TLL1: variants seen among roughly 807,000 people sequenced by gnomAD.
TLL1 encodes tolloid-like protein 1.
A neutral mutation model predicts 128.2 loss-of-function variants in TLL1; 49 were observed. That is an observed-to-expected ratio of 0.38 (90% CI 0.30 to 0.48). The LOEUF (loss-of-function observed/expected upper bound fraction) is 0.48, where lower values mean the gene tolerates loss of function less well. Among genes scored for constraint, TLL1 ranks in the 20% least tolerant of loss-of-function variants. The pLI is 0.96. For missense variants in TLL1, 1,123 were observed against 1,242.0 expected, an observed-to-expected ratio of 0.90 and a Z score of 1.44; for synonymous variants, 454 against 418.8, an observed-to-expected ratio of 1.08 and a Z score of -1.03.
At chr4:166,011,685 C>A (rs1737702325) in intron 7 of TLL1, among the ~76,000 whole-genome samples, 1 of 151,360 alleles carries the variant, frequency 6.6e-6, no homozygotes, top group Non-Finnish European at 1.5e-5. Flanking sequence ...ATATAAGTGA[C>A]AAGGGTGGGC....
intron 1 of TLL1, among the ~76,000 whole-genome samples, chr4:165,925,913 C>A (rs1165734804): frequency 6.6e-6 from 1 of 152,118 alleles, no homozygotes; most frequent in Non-Finnish European, 1.5e-5. Context: ...TGACTGTTAG[C>A]CATTTTTAGC....
At chr4:166,010,523 T>G (rs1216275254) in intron 7 of TLL1, among the ~76,000 whole-genome samples, 5 of 150,990 alleles carry the variant, frequency 3.3e-5, no homozygotes, top group Non-Finnish European at 5.9e-5. Context: ...TTGTATATTC[T>G]GATTAAACCA....
intron 2 of TLL1, among the ~76,000 whole-genome samples, chr4:165,992,277 T>C: frequency 1.3e-5 from 2 of 152,224 alleles, no homozygotes; most frequent in Non-Finnish European, 2.9e-5. Flanking sequence ...CAACTAAATT[T>C]TCAAAATGCA....
At chr4:165,900,757 T>C (rs1439216323) in intron 1 of TLL1, among the ~76,000 whole-genome samples, 2 of 152,204 alleles carry the variant, frequency 1.3e-5, no homozygotes, top group East Asian at 3.8e-4. Flanking sequence ...GTGTTCTCTG[T>C]ATTTCCTGAA....
At chr4:166,100,692 G>T (rs1196260314) in intron 20 of TLL1, 50 bp from the exon 21 acceptor site, 3 of 1,609,538 alleles carry the variant, frequency 1.9e-6, no homozygotes, top group African/African-American at 2.7e-5. Flanking sequence ...AAGAAAAAGT[G>T]ATTCGTTTTA....
intron 15 of TLL1, 64 bp from the exon 16 acceptor site, chr4:166,065,619 T>A: frequency 6.5e-7 from 1 of 1,538,530 alleles, no homozygotes; most frequent in Non-Finnish European, 9.0e-7. Flanking sequence ...TATGTTTTTT[T>A]AAGATAAATG....
intron 18 of TLL1, among the ~76,000 whole-genome samples, chr4:166,087,470 TG>T (rs1741577085): frequency 6.6e-6 from 1 of 152,150 alleles, no homozygotes; most frequent in African/African-American, 2.4e-5. Context: ...AAATATTTTG[TG>T]GGAAACCAAA....
chr4:165,936,241 A>G (rs1733758601), intron 1 of TLL1, among the ~76,000 whole-genome samples: 2 of 119,644 alleles, frequency 1.7e-5, no homozygotes, highest in South Asian at 5.1e-4. Context: ...TTTTTTTGAG[A>G]TGGAGTCACA....
chr4:166,001,140 G>A (rs563189088), intron 5 of TLL1, among the ~76,000 whole-genome samples: 21 of 152,152 alleles, frequency 1.4e-4, no homozygotes, highest in Middle Eastern at 3.4e-3. Flanking sequence ...TAATCATTCG[G>A]TCAATTAGTT....
At chr4:165,966,064 A>T (rs1735353913) in intron 1 of TLL1, among the ~76,000 whole-genome samples, 1 of 151,860 alleles carries the variant, frequency 6.6e-6, no homozygotes, top group African/African-American at 2.4e-5. Context: ...CTGTAATCCC[A>T]GCTACTTGGG....
intron 1 of TLL1, among the ~76,000 whole-genome samples, chr4:165,901,728 C>T (rs1561016437): frequency 1.3e-5 from 2 of 152,158 alleles, no homozygotes; most frequent in South Asian, 4.1e-4. Context: ...TGGTCAGGGA[C>T]CCACTTGAGG....
chr4:165,936,893 A>G (rs1392581322), intron 1 of TLL1, among the ~76,000 whole-genome samples: 1 of 152,176 alleles, frequency 6.6e-6, no homozygotes, highest in African/African-American at 2.4e-5. Context: ...AGATGGCCCC[A>G]CTGCACCCCA....
chr4:166,020,120 C>T (rs1487561961), intron 8 of TLL1, among the ~76,000 whole-genome samples: 1 of 152,110 alleles, frequency 6.6e-6, no homozygotes, highest in East Asian at 1.9e-4. Flanking sequence ...ATAAGACACC[C>T]TCATTCATTG....
At position 166,065,796 on chromosome 4, in the gene TLL1, T is replaced by G. The variant is rs1453270181; in HGVS notation, c.2121T>G (p.Asn707Lys). The G allele has an allele frequency of 1.2e-6, 2 of 1,612,908 alleles. No individual in the cohort carries two copies. Among genetic ancestry groups the G allele is most frequent in the Non-Finnish European group, 1.7e-6 (2 of 1,179,322 alleles). The change falls in exon 16 of 21, where the codon AAT (asparagine) becomes AAG (lysine). Residue 707 changes from asparagine to lysine, a missense_variant. Physicochemically the swap from Asn to Lys is moderately conservative, Grantham distance 94. Coordinates refer to ENST00000061240, the MANE Select transcript of TLL1 (RefSeq NM_012464.5). ...AAGTGATCACATCCCAGTTCAACAA[T>G]ATGAGAATTGAATTCAAATCTGACA... ...VPEVITSQFNNMRIEFKSDNT... is the reference protein window; with the variant it reads ...VPEVITSQFNKMRIEFKSDNT...
intron 2 of TLL1, 63 bp downstream of exon 2, chr4:165,989,554 A>G (rs1464369938): frequency 8.2e-7 from 1 of 1,225,580 alleles, no homozygotes; most frequent in Non-Finnish European, 1.2e-6. Flanking sequence ...TTGAAGTGCT[A>G]TAAATATTTT....
chr4:166,037,595 G>A (rs1317243675), intron 9 of TLL1, among the ~76,000 whole-genome samples: 6 of 152,234 alleles, frequency 3.9e-5, no homozygotes, highest in Admixed American at 1.3e-4. Context: ...ATCACCTGAG[G>A]TCAGGAGTTC....
chr4:165,995,501 A>G (rs535125594), intron 5 of TLL1, among the ~76,000 whole-genome samples: 22 of 152,344 alleles, frequency 1.4e-4, no homozygotes, highest in African/African-American at 4.8e-4. Flanking sequence ...ATAGTGCAGT[A>G]AGTTTTTATT....
chr4:166,031,522 C>A (rs1184616559), intron 9 of TLL1, among the ~76,000 whole-genome samples: 1 of 151,816 alleles, frequency 6.6e-6, no homozygotes, highest in African/African-American at 2.4e-5. Context: ...CATGCACCAC[C>A]TCACGTGGCT....
intron 13 of TLL1, among the ~76,000 whole-genome samples, chr4:166,055,758 T>C (rs1739976260): frequency 6.6e-6 from 1 of 152,202 alleles, no homozygotes; most frequent in African/African-American, 2.4e-5. Context: ...AGCTTTGATT[T>C]TGAAATGCAT....
Sources: gnomAD v4.1 joint callset for allele counts (sites outside exome capture counted in the v4.1 genomes callset) on GRCh38, gnomAD v4.1.1 for gene constraint, MANE v1.5 for transcripts, NCBI Gene and HGNC (gene_info 2026-07-23, HGNC 2026-07-21) for gene names.